DISP3: variants seen among roughly 807,000 people sequenced by gnomAD.
DISP3 encodes protein dispatched homolog 3.
DISP3 carries 101 observed loss-of-function variants against 135.3 expected under a neutral mutation model. That is an observed-to-expected ratio of 0.75 (90% CI 0.64 to 0.88). The LOEUF is 0.88. Ranked by LOEUF, DISP3 falls within the 40% of genes least tolerant of loss-of-function variation. DISP3 has a pLI of 0.00. For missense variants in DISP3, 1,713 were observed against 1,878.6 expected, an observed-to-expected ratio of 0.91 and a Z score of 1.63; for synonymous variants, 856 against 817.0, an observed-to-expected ratio of 1.05 and a Z score of -0.81.
Position 11,529,479 on chromosome 1 carries a change from C to T in DISP3, c.2799-77C>T. 3.4e-6 allele frequency: 5 copies of T among 1,484,110 alleles called. 1 individual carries two copies. The South Asian group carries it at 4.0e-5, about 12-fold the overall frequency. 91.9% of individuals were successfully genotyped at this position (1,484,110 alleles called of 1,614,324 possible). On this transcript the variant is annotated intron_variant, in intron 13 of 20. Coordinates refer to ENST00000294484, the MANE Select transcript of DISP3 (RefSeq NM_020780.2). The surrounding 1 kb of genome is among the most constrained non-coding windows in gnomAD (Gnocchi z 4.7). ...CATGACACCCCAGCCCCAGTCCCAA[C>T]CCTGGCCTGCTGGCCTCACCTCCCC...
chr1:11,508,142 C>T (rs1351237610), intron 3 of DISP3, among the ~76,000 whole-genome samples: 1 of 152,172 alleles, frequency 6.6e-6, no homozygotes, highest in African/African-American at 2.4e-5. Context: ...TGAACACTAG[C>T]AGGGTACCGT....
intron 1 of DISP3, among the ~76,000 whole-genome samples, chr1:11,495,209 G>T (rs1188575152): frequency 6.6e-6 from 1 of 152,130 alleles, no homozygotes; most frequent in Non-Finnish European, 1.5e-5. Context: ...GGCCAACATG[G>T]TGAAACCCTA....
At position 11,519,518 on chromosome 1, in the gene DISP3, A is replaced by T; in HGVS notation, c.2038+15A>T. ...GGAAGAGCCAGGTGAGAGCTGGCAC[A>T]GGCCTGCCCTACTGACCCCAGTGAG... On this transcript the variant is annotated intron_variant, in intron 8 of 20. Coordinates refer to ENST00000294484, the MANE Select transcript of DISP3 (RefSeq NM_020780.2). The surrounding 1 kb of genome is among the most constrained non-coding windows in gnomAD (Gnocchi z 4.3). 1 of 1,612,978 alleles carries T rather than the reference A, an allele frequency of 6.2e-7. No homozygotes were observed.
In DISP3 at chr1:11,530,990, C is replaced by T. The variant is rs927675969; in HGVS notation, c.3186C>T (p.Asn1062=). ...ACCTCTGCAAGGCCATCGCAGCCAA[C>T]TCCGAGCTGGTGAAGCCGGGTGGGG... is the stretch of plus-strand genomic sequence containing the variant. ...LCHLCKAIAA[N]SELVKPGGAQ... The change falls in exon 16 of 21, where the codon AAC becomes AAT. Residue 1062 remains asparagine (N), a synonymous_variant. Coordinates refer to ENST00000294484, the MANE Select transcript of DISP3 (RefSeq NM_020780.2). 4 of 1,614,000 alleles carry T rather than the reference C, an allele frequency of 2.5e-6. No individual in the cohort carries two copies. Among genetic ancestry groups the T allele is most frequent in the Non-Finnish European group, 3.4e-6 (4 of 1,179,990 alleles).
At chr1:11,525,756 C>A (rs893533397) in intron 12 of DISP3, among the ~76,000 whole-genome samples, 2 of 152,096 alleles carry the variant, frequency 1.3e-5, no homozygotes, top group African/African-American at 4.8e-5. Flanking sequence ...AAGGAGTCCC[C>A]GAGCCCAGAC....
At chr1:11,479,931 C>A (rs934755937) in intron 1 of DISP3, among the ~76,000 whole-genome samples, 55 of 152,282 alleles carry the variant, frequency 3.6e-4, no homozygotes, top group Middle Eastern at 3.4e-3. Flanking sequence ...TTGGGGCGGG[C>A]CGGGCCAGCG....
chr1:11,534,475 G>T lies in DISP3; in HGVS notation c.3470G>T (p.Gly1157Val). ...LQQQLQALPE[G>V]SVLRRGFQTC... ...CAGCAGCTGCAGGCCTTGCCCGAGG[G>T]CTCAGTCCTGCGCCGGGGCTTCCAG... The change falls in exon 18 of 21, where the codon GGC becomes GTC. Residue 1157 changes from glycine to valine, a missense_variant. Coordinates refer to ENST00000294484, the MANE Select transcript of DISP3 (RefSeq NM_020780.2). 2 of 1,614,128 alleles carry T rather than the reference G, an allele frequency of 1.2e-6. No individual in the cohort carries two copies. Among genetic ancestry groups the T allele is most frequent in the South Asian group, 2.2e-5 (2 of 91,082 alleles).
At chr1:11,489,256 G>A (rs893605986) in intron 1 of DISP3, among the ~76,000 whole-genome samples, 1 of 152,218 alleles carries the variant, frequency 6.6e-6, no homozygotes, top group African/African-American at 2.4e-5. Flanking sequence ...AGCTTCTGAT[G>A]TATCCTCCAG....
In DISP3 at chr1:11,483,740, G is replaced by A. The variant is rs1336388003; in HGVS notation, c.-4+4368G>A. On this transcript the variant is annotated intron_variant, in intron 1 of 20. Coordinates refer to ENST00000294484, the MANE Select transcript of DISP3 (RefSeq NM_020780.2). The surrounding 1 kb of genome is among the most constrained non-coding windows in gnomAD (Gnocchi z 5.4). ...CCTGGGCTGGGTACTCAAGGCTTCT[G>A]AGCCATGGCTGGGCCGGAGCTGAGT... is the stretch of plus-strand genomic sequence containing the variant. 1.3e-5 allele frequency among the ~76,000 whole-genome samples: 2 copies of A among 152,234 alleles called. No homozygotes were observed. Among genetic ancestry groups the A allele is most frequent in the Non-Finnish European group, 2.9e-5 (2 of 68,046 alleles).
At position 11,501,558 on chromosome 1, in the gene DISP3, C is replaced by G; in HGVS notation, c.566C>G (p.Thr189Ser). Residue 189 changes from threonine to serine, a missense_variant, in exon 2 of 21, where the codon ACT (threonine) becomes AGT (serine). Transcript: ENST00000294484. This position sits in a 1 kb window ranked among gnomAD's most constrained non-coding sequence, Gnocchi z 4.9. ...SLGGPGPYRD[T>S]SAAQKPTANR... ...GGTGGCCCAGGCCCTTACCGGGACACTTCCGCGGCTCAAAAGCCCACAGCC... is the reference window on the plus strand; with the variant it reads ...GGTGGCCCAGGCCCTTACCGGGACAGTTCCGCGGCTCAAAAGCCCACAGCC... The G allele has an allele frequency of 6.3e-7, 1 of 1,588,412 alleles. No individual in the cohort carries two copies. Among genetic ancestry groups the G allele is most frequent in the Non-Finnish European group, 8.6e-7 (1 of 1,165,532 alleles).
rs1332659834 is a variant in DISP3 at position 11,499,961 on chromosome 1, T to C, written c.-3-1029T>C. Among the ~76,000 whole-genome samples, 1 of 152,256 alleles carries C rather than the reference T, an allele frequency of 6.6e-6. No individual in the cohort carries two copies. Among genetic ancestry groups the C allele is most frequent in the Non-Finnish European group, 1.5e-5 (1 of 68,036 alleles). ...TAACTGGATAATGAGTCTCTCTCTG[T>C]CCAGAGGGCAGGCAGGACAAAGGGG... On this transcript the variant is annotated intron_variant, in intron 1 of 20. Transcript: ENST00000294484. This position sits in a 1 kb window ranked among gnomAD's most constrained non-coding sequence, Gnocchi z 5.2.
chr1:11,506,574 A>G (rs1038587777), intron 3 of DISP3, among the ~76,000 whole-genome samples: 1 of 152,018 alleles, frequency 6.6e-6, no homozygotes, highest in African/African-American at 2.4e-5. Context: ...GAGAATTTCC[A>G]TTTGAATCTC....
intron 1 of DISP3, among the ~76,000 whole-genome samples, chr1:11,488,635 CTCTG>C (rs1210818752): frequency 4.5e-4 from 38 of 83,980 alleles, no homozygotes; most frequent in African/African-American, 1.8e-3. Context: ...AGGGCAGATG[CTCTG>C]TGTGTGTGTG....
At chr1:11,481,953 A>G (rs933289347) in intron 1 of DISP3, 1 of 152,204 alleles carries the variant, frequency 6.6e-6, no homozygotes, top group Non-Finnish European at 1.5e-5. Context: ...GGCAGGCATT[A>G]CTTCTACTGT....
intron 1 of DISP3, among the ~76,000 whole-genome samples, chr1:11,490,814 C>T (rs1336764515): frequency 6.6e-6 from 1 of 152,124 alleles, no homozygotes; most frequent in African/African-American, 2.4e-5. Flanking sequence ...TGTAAGCAGC[C>T]TTGTAGGGTG....
intron 1 of DISP3, among the ~76,000 whole-genome samples, chr1:11,493,173 C>T (rs1330505177): frequency 6.6e-6 from 1 of 152,150 alleles, no homozygotes; most frequent in East Asian, 1.9e-4. Context: ...GGTATAGTTG[C>T]AGTTTGAGAC....
At position 11,536,581 on chromosome 1, in the gene DISP3, G is replaced by T; in HGVS notation, c.4074G>T (p.Lys1358Asn). Residue 1358 changes from lysine to asparagine, a missense_variant, in exon 21 of 21, where the codon AAG (lysine) becomes AAT (asparagine). Physicochemically the swap from Lys to Asn is moderately conservative, Grantham distance 94. This residue lies in a region of DISP3 where 1,142 missense variants were observed against 1,384.6 expected (regional missense o/e 0.82). Coordinates refer to ENST00000294484, the MANE Select transcript of DISP3 (RefSeq NM_020780.2). The surrounding 1 kb of genome is among the most constrained non-coding windows in gnomAD (Gnocchi z 4.3). ...CTCGGACCCGGACTTCCTTCCTCAA[G>T]GCCCTGGGTGCCGTGCTGCTGGCAG... Reference protein sequence around the residue: ...SFTRTRTSFLKALGAVLLAGA... With the variant: ...SFTRTRTSFLNALGAVLLAGA... The T allele has an allele frequency of 6.2e-7, 1 of 1,612,048 alleles. No homozygotes were observed.
chr1:11,514,581 C>T, intron 4 of DISP3, 55 bp downstream of exon 4: 1 of 1,569,726 alleles, frequency 6.4e-7, no homozygotes, highest in Non-Finnish European at 8.7e-7. Context: ...CTCCTGTCTG[C>T]CCAGAGCCTG....
At chr1:11,489,338 G>A (rs992370300) in intron 1 of DISP3, among the ~76,000 whole-genome samples, 4 of 152,352 alleles carry the variant, frequency 2.6e-5, no homozygotes, top group Non-Finnish European at 4.4e-5. Context: ...TGGTCTGGGC[G>A]GGCTGGGGCT....
Sources: allele counts gnomAD v4.1 joint callset (sites outside exome capture counted in the v4.1 genomes callset), GRCh38; gene constraint gnomAD v4.1.1; regional missense constraint gnomAD v4.1.1; non-coding constraint Gnocchi (gnomAD v3.1); transcripts MANE v1.5; gene names NCBI Gene and HGNC (gene_info 2026-07-23, HGNC 2026-07-21).